HYDIN: variants seen among roughly 807,000 people sequenced by gnomAD.
HYDIN encodes the protein HYDIN axonemal central pair apparatus protein.
A neutral mutation model predicts 403.9 loss-of-function variants in HYDIN; 132 were observed. The ratio of observed to expected loss-of-function variants is 0.33; its 90% CI spans 0.28 to 0.38. The LOEUF (loss-of-function observed/expected upper bound fraction) is 0.38. HYDIN is among the 10% of genes least tolerant of loss of function. The probability of loss-of-function intolerance (pLI) is 1.00; values close to 1 mark genes in which losing one functional copy is unlikely to be tolerated. For missense variants in HYDIN, 2,827 were observed against 5,009.5 expected (o/e 0.56, Z 13.15); for synonymous variants, 1,202 against 1,891.7 (o/e 0.64, Z 9.46).
At chr16:70,887,231 C>T (rs1486089140) in intron 58 of HYDIN, among the ~76,000 whole-genome samples, 1 of 152,170 alleles carries the variant, frequency 6.6e-6, no homozygotes, top group Non-Finnish European at 1.5e-5. Flanking sequence ...TTACCTTATA[C>T]AGCAAAAGGA....
chr16:71,156,478 G>A (rs1363526725), intron 6 of HYDIN, among the ~76,000 whole-genome samples: 17 of 152,060 alleles, frequency 1.1e-4, no homozygotes, highest in Admixed American at 7.2e-4. Flanking sequence ...GAAGTAAAAG[G>A]TGTTGTTCTT....
At chr16:71,135,642 T>A (rs56060481) in intron 8 of HYDIN, among the ~76,000 whole-genome samples, 55 of 152,158 alleles carry the variant, frequency 3.6e-4, no homozygotes, top group African/African-American at 1.3e-3. Flanking sequence ...CCTTCAAGCA[T>A]GTTGGGCCAT....
At chr16:71,030,926 C>T (rs1021854291) in intron 19 of HYDIN, among the ~76,000 whole-genome samples, 3 of 152,016 alleles carry the variant, frequency 2.0e-5, no homozygotes, top group Non-Finnish European at 2.9e-5. Flanking sequence ...AGTGACCGGG[C>T]ACGGTGGCTC....
chr16:70,890,423 T>C (rs1470899893), intron 57 of HYDIN, among the ~76,000 whole-genome samples: 1 of 152,166 alleles, frequency 6.6e-6, no homozygotes, highest in Non-Finnish European at 1.5e-5. Flanking sequence ...TTATAGACAT[T>C]ACATTGTTAT....
chr16:70,934,244 T>G (rs2077435153), intron 45 of HYDIN, among the ~76,000 whole-genome samples: 1 of 149,794 alleles, frequency 6.7e-6, no homozygotes, highest in African/African-American at 2.5e-5. Context: ...AAATGAGGGG[T>G]GACGAGGCAA....
At chr16:71,157,613 C>T (rs549198282) in intron 6 of HYDIN, among the ~76,000 whole-genome samples, 2 of 152,344 alleles carry the variant, frequency 1.3e-5, no homozygotes, top group South Asian at 4.1e-4. Context: ...AAGGGACTGA[C>T]TGGTAGGACT....
intron 28 of HYDIN, among the ~76,000 whole-genome samples, chr16:70,984,075 T>C (rs2079114371): frequency 2.0e-5 from 3 of 152,254 alleles, no homozygotes; most frequent in Admixed American, 6.5e-5. Flanking sequence ...CAAGAGTGAA[T>C]TTGGGCTGGG....
intron 85 of HYDIN, among the ~76,000 whole-genome samples, chr16:70,809,211 A>G (rs2035301154): frequency 6.6e-6 from 1 of 152,168 alleles, no homozygotes; most frequent in Admixed American, 6.5e-5. Context: ...CACTGTGTCT[A>G]GCTTTGGGTT....
intron 9 of HYDIN, among the ~76,000 whole-genome samples, chr16:71,122,868 C>T (rs964326568): frequency 4.2e-5 from 6 of 141,376 alleles, no homozygotes; most frequent in Non-Finnish European, 9.3e-5. Flanking sequence ...GAGACACTTG[C>T]TAATAGAAGC....
chr16:70,921,006 A>G lies in HYDIN; in HGVS notation c.7370T>C (p.Phe2457Ser), dbSNP rs200385024. The G allele has an allele frequency of 1.9e-3, 3,048 of 1,581,014 alleles. 7 individuals carry two copies. Among genetic ancestry groups the G allele is most frequent in the Non-Finnish European group, 2.3e-3 (2,719 of 1,160,132 alleles). The change falls in exon 46 of 86, where the codon TTT becomes TCT. Residue 2457 changes from phenylalanine to serine, a missense_variant. Physicochemically the swap from Phe to Ser is radical, Grantham distance 155. Coordinates refer to ENST00000393567, the MANE Select transcript of HYDIN (RefSeq NM_001270974.2). Reference sequence around the variant, plus strand: ...CTTCAGTGTCAATTCATAGGTCTTAAACTTCGGGGCCAGTTGCTTGTCGGG... The same window carrying G: ...CTTCAGTGTCAATTCATAGGTCTTAGACTTCGGGGCCAGTTGCTTGTCGGG... ...KDPDKQLAPKFKTYELTLKDV... is the reference protein window; with the variant it reads ...KDPDKQLAPKSKTYELTLKDV...
At chr16:70,939,059 G>A (rs1793161018) in intron 43 of HYDIN, among the ~76,000 whole-genome samples, 1 of 152,158 alleles carries the variant, frequency 6.6e-6, no homozygotes, top group South Asian at 2.1e-4. Flanking sequence ...TCTTGAGGTG[G>A]GCAGATTATT....
chr16:70,923,154 G>A (rs75428769), intron 45 of HYDIN, among the ~76,000 whole-genome samples: 15,453 of 106,762 alleles, frequency 0.14, no homozygotes, highest in African/African-American at 0.15. Context: ...GAAAAAGAAC[G>A]GAATAATAAC....
At chr16:70,851,407 T>A (rs2038645570) in intron 73 of HYDIN, among the ~76,000 whole-genome samples, 1 of 151,244 alleles carries the variant, frequency 6.6e-6, no homozygotes, top group Non-Finnish European at 1.5e-5. Flanking sequence ...CATTAAAAAA[T>A]GGGCAAAAGA....
rs539330957 is a variant in HYDIN, at chr16:70,955,448, G to A, written c.6243C>T (p.Ile2081=). 6 of 1,614,100 alleles carry A rather than the reference G, an allele frequency of 3.7e-6. No homozygotes were observed. The South Asian group carries it at 4.4e-5, about 12-fold the overall frequency. ...VLEAVANSNN[I]PGIRARELCI... is the part of the protein sequence containing the mutation. Reference sequence around the variant, plus strand: ...AGAGCTCACGGGCCCGGATCCCTGGGATGTTGTTGCTGTTGGCCACAGCTT... The same window carrying A: ...AGAGCTCACGGGCCCGGATCCCTGGAATGTTGTTGCTGTTGGCCACAGCTT... Residue 2081 remains isoleucine, a synonymous_variant, in exon 40 of 86, where the codon ATC becomes ATT. Transcript: ENST00000393567.
chr16:70,849,011 A>G (rs921966063), intron 75 of HYDIN, among the ~76,000 whole-genome samples: 10 of 152,014 alleles, frequency 6.6e-5, no homozygotes, highest in Non-Finnish European at 1.3e-4. Flanking sequence ...AGTCAGGTCA[A>G]ATAAAAGCTA....
chr16:71,033,988 T>A (rs2144168013), intron 18 of HYDIN, among the ~76,000 whole-genome samples: 1 of 152,218 alleles, frequency 6.6e-6, no homozygotes, highest in African/African-American at 2.4e-5. Flanking sequence ...TCCAGGATAA[T>A]AACGGAGAGG....
rs757717532 is a variant in HYDIN, at chr16:71,069,385, T to C, written c.1856A>G (p.His619Arg). The C allele has an allele frequency of 2.5e-6, 4 of 1,614,092 alleles. No homozygotes were observed. The highest frequency in any genetic ancestry group is 3.3e-4 in the Middle Eastern group (2 of 6,084). ...CCAAGATGGTCTTTTGTAGTCCACA[T>C]GCTGCTCACAATATGAAATGCTTTT... is the stretch of plus-strand genomic sequence containing the variant. Reference protein sequence around the residue: ...GHKSISYCEQHVDYKRPSWTK... With the variant: ...GHKSISYCEQRVDYKRPSWTK... The change falls in exon 14 of 86, where the codon CAT becomes CGT. Residue 619 changes from histidine (H) to arginine (R), a missense_variant. Coordinates refer to ENST00000393567, the MANE Select transcript of HYDIN (RefSeq NM_001270974.2).
At chr16:71,170,391 T>C (rs1347344201) in intron 5 of HYDIN, among the ~76,000 whole-genome samples, 2 of 152,140 alleles carry the variant, frequency 1.3e-5, no homozygotes, top group Non-Finnish European at 2.9e-5. Context: ...CCTCTTGATA[T>C]AATGCACTAG....
intron 25 of HYDIN, among the ~76,000 whole-genome samples, chr16:70,989,758 C>A (rs1193645118): frequency 6.6e-6 from 1 of 152,200 alleles, no homozygotes; most frequent in Non-Finnish European, 1.5e-5. Flanking sequence ...TCCTGAGGTA[C>A]CCACTGTCCA....
Sources: allele counts gnomAD v4.1 joint callset (sites outside exome capture counted in the v4.1 genomes callset), GRCh38; gene constraint gnomAD v4.1.1; transcripts MANE v1.5; gene names NCBI Gene and HGNC (gene_info 2026-07-23, HGNC 2026-07-21).